MACF1: variants seen among roughly 807,000 people sequenced by gnomAD.
MACF1 encodes the protein microtubule-actin cross-linking factor 1.
A neutral mutation model predicts 854.8 loss-of-function variants in MACF1; 193 were observed. The ratio of observed to expected loss-of-function variants is 0.23; its 90% confidence interval spans 0.20 to 0.25. MACF1 has a LOEUF of 0.25. Among genes scored for constraint, MACF1 ranks in the 10% least tolerant of loss-of-function variants. The probability of loss-of-function intolerance (pLI) is 1.00; values close to 1 mark genes in which losing one functional copy is unlikely to be tolerated. For synonymous variants in MACF1, 3,185 were observed against 3,226.7 expected (o/e 0.99, Z 0.44); for missense variants, 7,722 against 8,929.1 (o/e 0.86, Z 5.45).
chr1:39,334,780 T>A lies in MACF1; in HGVS notation c.8192T>A (p.Ile2731Asn). The change falls in exon 37 of 101, where the codon ATT becomes AAT. Residue 2731 changes from isoleucine to asparagine, a missense_variant. Around this residue, in one of 15 missense-constraint regions of MACF1, gnomAD observed 1,531 missense variants for 1,601.6 expected, o/e 0.96. Coordinates refer to ENST00000564288, the MANE Select transcript of MACF1 (RefSeq NM_001394062.1). ...TCTCATCAGGTGTTAAATGGAGGAA[T>A]TGTTGACATATTTAGTGATCAGAGA... ...IASHQVLNGGIVDIFSDQRVT... is the reference protein window; with the variant it reads ...IASHQVLNGGNVDIFSDQRVT... 6.2e-7 allele frequency: 1 copy of A among 1,614,118 alleles called. No individual in the cohort carries two copies. Among genetic ancestry groups the A allele is most frequent in the South Asian group, 1.1e-5 (1 of 91,076 alleles).
intron 2 of MACF1, among the ~76,000 whole-genome samples, chr1:39,158,660 AAGGTGGCAGATG>A (rs373208649): frequency 3.3e-5 from 5 of 152,206 alleles, no homozygotes; most frequent in African/African-American, 7.2e-5. Context: ...GTCTAGAGAG[AAGGTGGCAGATG>A]AGGTGGCAGA....
intron 2 of MACF1, among the ~76,000 whole-genome samples, chr1:39,198,651 C>T (rs1040224761): frequency 1.5e-5 from 2 of 135,974 alleles, no homozygotes; most frequent in African/African-American, 5.6e-5. Flanking sequence ...AGCGAAACTC[C>T]GTCTCAAAAA....
Position 39,442,547 on chromosome 1 carries a change from G to A in MACF1, c.19084G>A (p.Val6362Ile), listed in dbSNP as rs776149127. Residue 6362 changes from valine (V) to isoleucine (I), a missense_variant, in exon 77 of 101, where the codon GTT becomes ATT. By Grantham distance (29) the Val-to-Ile change is conservative. Transcript: ENST00000564288. Reference protein sequence around the residue: ...PISGDPKVIEVELAKHHVLKN... With the variant: ...PISGDPKVIEIELAKHHVLKN... ...AAGTGGAGACCCAAAAGTCATTGAA[G>A]TTGAGCTCGCAAAGCACCATGTAAG... 8 of 1,614,166 alleles carry A rather than the reference G, an allele frequency of 5.0e-6. 1 individual carries two copies. In the South Asian group the frequency reaches 8.8e-5, roughly 18 times the overall value.
intron 26 of MACF1, among the ~76,000 whole-genome samples, chr1:39,314,403 CT>C (rs1424597223): frequency 2.0e-5 from 3 of 151,728 alleles, no homozygotes; most frequent in African/African-American, 7.3e-5. Flanking sequence ...GAGCGAAACT[CT>C]GTCTCAAGAA....
At chr1:39,367,154 C>G (rs2148530072) in intron 49 of MACF1, among the ~76,000 whole-genome samples, 1 of 152,016 alleles carries the variant, frequency 6.6e-6, no homozygotes, top group East Asian at 1.9e-4. Context: ...ACCATGTTGG[C>G]CAGCCTGATC....
intron 89 of MACF1, chr1:39,456,939 G>A (rs1247973292): frequency 6.6e-6 from 1 of 152,176 alleles, no homozygotes. Flanking sequence ...TGACTTCTGT[G>A]TCCTTTAATC....
At chr1:39,337,562 ATTTT>A (rs35312351) in intron 38 of MACF1, among the ~76,000 whole-genome samples, 1 of 100,154 alleles carries the variant, frequency 1.0e-5, no homozygotes, top group Non-Finnish European at 1.9e-5. Flanking sequence ...AATTACTACC[ATTTT>A]TTTTTTTTTT....
At chr1:39,252,723 AT>A (rs1190145476) in intron 4 of MACF1, among the ~76,000 whole-genome samples, 1 of 152,198 alleles carries the variant, frequency 6.6e-6, no homozygotes, top group African/African-American at 2.4e-5. Context: ...TCTAAGCCAT[AT>A]TCACAATTAA....
chr1:39,243,195 A>G (rs991774157), intron 2 of MACF1, among the ~76,000 whole-genome samples: 5 of 152,198 alleles, frequency 3.3e-5, no homozygotes, highest in African/African-American at 1.2e-4. Context: ...GATGTTGAGC[A>G]TCTTTTCATG....
intron 1 of MACF1, among the ~76,000 whole-genome samples, chr1:39,226,342 ATTTTTTT>A (rs5773656): frequency 7.0e-6 from 1 of 142,190 alleles, no homozygotes. Context: ...TATGGATAGT[ATTTTTTT>A]TTTTTTTTTG....
At chr1:39,097,387 G>T (rs1046170220) in intron 2 of MACF1, among the ~76,000 whole-genome samples, 2 of 152,076 alleles carry the variant, frequency 1.3e-5, no homozygotes, top group African/African-American at 4.8e-5. Context: ...ATTCAATCTT[G>T]ACAGACTGAA....
intron 2 of MACF1, among the ~76,000 whole-genome samples, chr1:39,196,259 T>C (rs749643709): frequency 6.6e-5 from 10 of 152,238 alleles, no homozygotes; most frequent in Non-Finnish European, 1.5e-4. Context: ...ATGGCATCTA[T>C]GTATACGGAG....
chr1:39,363,459 A>T (rs1456932041), intron 49 of MACF1, among the ~76,000 whole-genome samples: 1 of 152,166 alleles, frequency 6.6e-6, no homozygotes, highest in Non-Finnish European at 1.5e-5. Context: ...AAAGAAGGGT[A>T]TATTACGTAA....
chr1:39,423,920 A>T, intron 60 of MACF1, 108 bp from the exon 61 acceptor site: 1 of 938,410 alleles, frequency 1.1e-6, no homozygotes, highest in South Asian at 1.8e-5. Flanking sequence ...TCTTTTACTC[A>T]ATGAAGCTTA....
At chr1:39,349,331 T>C (rs995980519) in intron 41 of MACF1, 147 bp from the exon 42 acceptor site, 2 of 719,990 alleles carry the variant, frequency 2.8e-6, no homozygotes, top group Non-Finnish European at 4.5e-6. Flanking sequence ...TTTCCGAATA[T>C]GATTTCTATG....
intron 3 of MACF1, chr1:39,250,311 A>G: frequency 2.8e-6 from 1 of 357,336 alleles, no homozygotes; most frequent in Non-Finnish European, 5.0e-6. Context: ...ATATGTTCTC[A>G]TTTCTTGATG....
intron 58 of MACF1, among the ~76,000 whole-genome samples, chr1:39,415,484 C>A (rs1287651233): frequency 6.7e-6 from 1 of 150,122 alleles, no homozygotes; most frequent in African/African-American, 2.4e-5. Context: ...TACAGGCGCC[C>A]GCCACTACGC....
intron 29 of MACF1, 27 bp downstream of exon 29, chr1:39,317,434 C>T (rs1355563918): frequency 6.2e-7 from 1 of 1,604,846 alleles, no homozygotes; most frequent in Non-Finnish European, 8.5e-7. Context: ...CCTTTTTCTC[C>T]TATTAGAGTT....
chr1:39,473,610 GTTC>G (rs1482394747), intron 97 of MACF1, among the ~76,000 whole-genome samples: 1 of 152,150 alleles, frequency 6.6e-6, no homozygotes, highest in African/African-American at 2.4e-5. Flanking sequence ...TGGTGCTTCT[GTTC>G]TTCATCCCCG....
Sources: gnomAD v4.1 joint callset for allele counts (sites outside exome capture counted in the v4.1 genomes callset) on GRCh38, gnomAD v4.1.1 for gene constraint, gnomAD v4.1.1 regional missense constraint, MANE v1.5 for transcripts, NCBI Gene and HGNC (gene_info 2026-07-23, HGNC 2026-07-21) for gene names.